The following PACS1 variants were observed in gnomAD, a reference collection of about 807,000 sequenced individuals.
PACS1 encodes PACS-1.
Under a neutral mutation model 115.0 loss-of-function variants are expected in PACS1, and 24 were observed. That is an observed-to-expected ratio of 0.21 (90% confidence interval 0.15 to 0.29). The LOEUF is 0.29. Among genes scored for constraint, PACS1 ranks in the 10% least tolerant of loss-of-function variants. The pLI is 1.00. For synonymous variants in PACS1, 453 were observed against 504.5 expected, an observed-to-expected ratio of 0.90 and a Z score of 1.37; for missense variants, 838 against 1,251.2, an observed-to-expected ratio of 0.67 and a Z score of 4.98.
intron 1 of PACS1, among the ~76,000 whole-genome samples, chr11:66,162,591 C>T (rs545536155): frequency 6.6e-6 from 1 of 152,194 alleles, no homozygotes; most frequent in South Asian, 2.1e-4. Context: ...AGAGCCTTTA[C>T]AGGCCGCACA....
intron 1 of PACS1, among the ~76,000 whole-genome samples, chr11:66,124,949 T>A (rs1212341552): frequency 1.3e-5 from 2 of 152,208 alleles, no homozygotes; most frequent in Admixed American, 1.3e-4. Context: ...TCAGGTGGCC[T>A]GTCGCAGTTC....
At chr11:66,238,043 T>C in intron 19 of PACS1, 1 of 985,338 alleles carries the variant, frequency 1.0e-6, no homozygotes, top group Non-Finnish European at 1.2e-6. Flanking sequence ...GGACTTTACC[T>C]GTCACTTCAG....
At chr11:66,154,439 T>C (rs1382384540) in intron 1 of PACS1, among the ~76,000 whole-genome samples, 1 of 152,052 alleles carries the variant, frequency 6.6e-6, no homozygotes, top group African/African-American at 2.4e-5. Flanking sequence ...ACCCTGTCTC[T>C]AAAAAATAAA....
At chr11:66,239,676 G>T (rs1171399387) in intron 21 of PACS1, among the ~76,000 whole-genome samples, 2 of 152,206 alleles carry the variant, frequency 1.3e-5, no homozygotes, top group Admixed American at 1.3e-4. Context: ...CTTGTTATGG[G>T]ACCTCCCAGG....
chr11:66,125,926 G>C (rs1858560951), intron 1 of PACS1, among the ~76,000 whole-genome samples: 1 of 151,898 alleles, frequency 6.6e-6, no homozygotes, highest in South Asian at 2.1e-4. Context: ...TGTAATCCCA[G>C]CTACTCGGGA....
intron 1 of PACS1, among the ~76,000 whole-genome samples, chr11:66,115,255 C>G (rs1858280403): frequency 6.9e-6 from 1 of 145,966 alleles, no homozygotes; most frequent in African/African-American, 2.5e-5. Flanking sequence ...TTGGTTGTAA[C>G]ATGATCAGCA....
chr11:66,134,334 C>T (rs371824591), intron 1 of PACS1, among the ~76,000 whole-genome samples: 21 of 131,670 alleles, frequency 1.6e-4, no homozygotes, highest in East Asian at 9.1e-4. Flanking sequence ...CAATCTCGCT[C>T]GGCTCACTGC....
chr11:66,142,357 C>T (rs113607920), intron 1 of PACS1, among the ~76,000 whole-genome samples: 71 of 152,120 alleles, frequency 4.7e-4, no homozygotes, highest in Non-Finnish European at 7.5e-4. Flanking sequence ...CTCACACTGT[C>T]GCCCAGGCTG....
At chr11:66,141,909 G>T (rs990328527) in intron 1 of PACS1, among the ~76,000 whole-genome samples, 3 of 151,792 alleles carry the variant, frequency 2.0e-5, no homozygotes, top group Non-Finnish European at 4.4e-5. Context: ...GGGTTCAAGC[G>T]ATTCTCCTGC....
intron 11 of PACS1, among the ~76,000 whole-genome samples, chr11:66,228,240 G>T (rs1016317204): frequency 6.6e-6 from 1 of 152,004 alleles, no homozygotes; most frequent in African/African-American, 2.4e-5. Context: ...TCATCCCGTG[G>T]GACCAGAGGC....
intron 1 of PACS1, among the ~76,000 whole-genome samples, chr11:66,082,149 C>T (rs1857491369): frequency 6.6e-6 from 1 of 152,194 alleles, no homozygotes; most frequent in African/African-American, 2.4e-5. Flanking sequence ...AATGGATTCT[C>T]ATGGTAAACA....
rs1041155917 is a variant in PACS1 at position 66,181,509 on chromosome 11, C to T, written c.357-11977C>T. Among the ~76,000 whole-genome samples the T allele has an allele frequency of 5.9e-5, 9 of 152,058 alleles. No individual in the cohort carries two copies. In the East Asian group the frequency reaches 7.7e-4, roughly 13 times the overall value. On this transcript the variant is annotated intron_variant, in intron 1 of 23. Coordinates refer to ENST00000320580, the MANE Select transcript of PACS1 (RefSeq NM_018026.4). ...GGTTATAGACGTAAGCCACCCCACC[C>T]GGCCCTATTGCTCTTTTAAAATTAG...
intron 1 of PACS1, among the ~76,000 whole-genome samples, chr11:66,130,267 C>T (rs1012776512): frequency 6.6e-6 from 1 of 152,142 alleles, no homozygotes; most frequent in Non-Finnish European, 1.5e-5. Context: ...CTCCTCCCTC[C>T]CTCCCCTCTA....
At chr11:66,217,417 T>G (rs1430237371) in intron 7 of PACS1, 1 of 372,150 alleles carries the variant, frequency 2.7e-6, no homozygotes, top group Non-Finnish European at 5.4e-6. Flanking sequence ...AGTGCCTGCA[T>G]GAAGTGTGGG....
Position 66,234,200 on chromosome 11 carries a change from G to T in PACS1, c.2062G>T (p.Gly688Cys), listed in dbSNP as rs760528823. Residue 688 changes from glycine to cysteine, a missense_variant, in exon 17 of 24, where the codon GGT becomes TGT. Gly to Cys is a radical substitution (Grantham distance 159). Around this residue, in one of 6 missense-constraint regions of PACS1, gnomAD observed 383 missense variants for 537.0 expected, o/e 0.71. Coordinates refer to ENST00000320580, the MANE Select transcript of PACS1 (RefSeq NM_018026.4). ...SKYSSSFLDS[G>C]WRDLFSRSEP... is the part of the protein sequence containing the mutation. ...ATACAGTAGTTCCTTCCTGGATTCT[G>T]GTTGGAGAGATCTGTTCAGTCGCTC... is the stretch of plus-strand genomic sequence containing the variant. 2.5e-6 allele frequency: 4 copies of T among 1,614,162 alleles called. No homozygotes were observed. In the Admixed American group the frequency reaches 5.0e-5, roughly 20 times the overall value.
intron 1 of PACS1, among the ~76,000 whole-genome samples, chr11:66,077,055 C>CT: frequency 1.3e-5 from 2 of 152,264 alleles, no homozygotes; most frequent in Middle Eastern, 6.8e-3. Flanking sequence ...TATGCACCAG[C>CT]TCTAGAGTGT....
chr11:66,168,471 T>G (rs1449367829), intron 1 of PACS1, among the ~76,000 whole-genome samples: 2 of 150,232 alleles, frequency 1.3e-5, no homozygotes, highest in African/African-American at 2.5e-5. Flanking sequence ...GAGCAAAGGC[T>G]TCGGAACCAG....
In PACS1 at chr11:66,233,085, CT is replaced by C; in HGVS notation, c.1838+21del. 6.5e-7 allele frequency: 1 copy of C among 1,545,194 alleles called. No individual in the cohort carries two copies. Among genetic ancestry groups the C allele is most frequent in the Non-Finnish European group, 8.9e-7 (1 of 1,125,256 alleles). Reference sequence around the variant, plus strand: ...AGCGCTAGTAAGGGCTCTGGCCTCCCTTCTCCTGCCCTTAGAGATTCCCTCT... The same window carrying C: ...AGCGCTAGTAAGGGCTCTGGCCTCCCTCTCCTGCCCTTAGAGATTCCCTCT... On this transcript the variant is annotated intron_variant, in intron 15 of 23. Coordinates refer to ENST00000320580, the MANE Select transcript of PACS1 (RefSeq NM_018026.4). This position sits in a 1 kb window ranked among gnomAD's most constrained non-coding sequence, Gnocchi z 4.5.
chr11:66,215,371 G>A (rs1043547771), intron 4 of PACS1, among the ~76,000 whole-genome samples: 4 of 152,098 alleles, frequency 2.6e-5, no homozygotes, highest in African/African-American at 9.7e-5. Context: ...GGGAGGCCAA[G>A]GCAGGAGGAT....
Sources: allele counts gnomAD v4.1 joint callset (sites outside exome capture counted in the v4.1 genomes callset), GRCh38; gene constraint gnomAD v4.1.1; regional missense constraint gnomAD v4.1.1; non-coding constraint Gnocchi (gnomAD v3.1); transcripts MANE v1.5; gene names NCBI Gene and HGNC (gene_info 2026-07-23, HGNC 2026-07-21).